COLQ: variants seen among roughly 807,000 people sequenced by gnomAD.
COLQ encodes acetylcholinesterase collagenic tail peptide.
COLQ carries 48 observed loss-of-function variants against 69.0 expected under a neutral mutation model. The observed-to-expected ratio is 0.70, with a 90% CI of 0.55 to 0.88. COLQ has a LOEUF of 0.88. Ranked by LOEUF, COLQ falls within the 40% of genes least tolerant of loss-of-function variation. COLQ has a pLI of 0.00. For missense variants in COLQ, 618 were observed against 594.6 expected (o/e 1.04, Z -0.41); for synonymous variants, 217 against 211.2 (o/e 1.03, Z -0.24).
chr3:15,457,921 G>T (rs2062048171), intron 13 of COLQ, among the ~76,000 whole-genome samples: 1 of 152,110 alleles, frequency 6.6e-6, no homozygotes. Context: ...CCGGCCAAAA[G>T]TACATTTTTA....
chr3:15,452,347 G>C (rs753783067), intron 16 of COLQ, among the ~76,000 whole-genome samples: 4 of 152,162 alleles, frequency 2.6e-5, no homozygotes, highest in Non-Finnish European at 5.9e-5. Context: ...AATTACAGGC[G>C]TGAGTCACAG....
Position 15,451,557 on chromosome 3 carries a change from G to T in COLQ, c.*87C>A. 2.4e-6 allele frequency: 3 copies of T among 1,230,518 alleles called. No individual in the cohort carries two copies. The highest frequency in any genetic ancestry group is 1.2e-5 in the South Asian group (1 of 83,506). The allele number at this position is 1,230,518 out of a possible 1,614,324, so 76.2% of individuals were successfully genotyped here. A position where few individuals can be genotyped will look rare whatever the true frequency, so the allele number is the denominator to read the frequency against. ...TTTTTGTCACACAAAGGTTGGTGGA[G>T]ACGGGGCCAGGACATGGCCAGTTTG... On this transcript the variant is annotated 3_prime_UTR_variant, in exon 17 of 17. Coordinates refer to ENST00000383788, the MANE Select transcript of COLQ (RefSeq NM_005677.4).
In COLQ at chr3:15,473,832, C is replaced by A. The variant is rs997497046; in HGVS notation, c.636+168G>T. Among the ~76,000 whole-genome samples the A allele has an allele frequency of 2.6e-5, 4 of 152,278 alleles. No homozygotes were observed. In the East Asian group the frequency reaches 5.8e-4, roughly 22 times the overall value. On this transcript the variant is annotated intron_variant, in intron 10 of 16. Coordinates refer to ENST00000383788, the MANE Select transcript of COLQ (RefSeq NM_005677.4). The surrounding 1 kb of genome is among the most constrained non-coding windows in gnomAD (Gnocchi z 4.0). The stretch of plus-strand genomic sequence containing the variant: ...GGGAGGCTCCAGACCATCCTGCCAC[C>A]CTCTCCCCAGGGTGAAAAGCAACTT...
chr3:15,474,949 G>T lies in COLQ; in HGVS notation c.531C>A (p.Gly177=), dbSNP rs1424279590. 22 of 1,614,108 alleles carry T rather than the reference G, an allele frequency of 1.4e-5. No individual in the cohort carries two copies. Among genetic ancestry groups the T allele is most frequent in the Non-Finnish European group, 1.8e-5 (21 of 1,179,972 alleles). The change falls in exon 8 of 17, where the codon GGC becomes GGA. Residue 177 remains glycine, a splice_region_variant and synonymous_variant. Coordinates refer to ENST00000383788, the MANE Select transcript of COLQ (RefSeq NM_005677.4). ...CCTTTTCCCCTCTGGATCCAGGGTA[G>T]CCCTAAAAGAAAGCAGAAGGTACAT... ...PGSRGPMGSK[G]YPGSRGEKGS... is the part of the protein sequence containing the mutation.
intron 1 of COLQ, chr3:15,498,792 C>T: frequency 6.7e-7 from 1 of 1,488,968 alleles, no homozygotes; most frequent in Non-Finnish European, 8.9e-7. Context: ...AATGGGTAGG[C>T]AGCCCTGCTC....
At position 15,521,656 on chromosome 3, in the gene COLQ, G is replaced by T. The variant is rs747085828; in HGVS notation, c.-31C>A. On this transcript the variant is annotated 5_prime_UTR_variant, in exon 1 of 17. Transcript: ENST00000383788. ...CCAGGGTCTGGCGAGGGTCAAGTTA[G>T]AAAGGAGGCTGCTGCGGAGCCTTGC... The T allele has an allele frequency of 1.9e-5, 31 of 1,613,728 alleles. No homozygotes were observed. Among genetic ancestry groups the T allele is most frequent in the Non-Finnish European group, 2.5e-5 (30 of 1,179,978 alleles).
Position 15,451,426 on chromosome 3 carries a change from G to GT in COLQ, c.*217dup. 1.5e-6 allele frequency: 1 copy of GT among 681,436 alleles called. No homozygotes were observed. Among genetic ancestry groups the GT allele is most frequent in the Non-Finnish European group, 2.7e-6 (1 of 369,374 alleles). 42.2% of individuals were successfully genotyped at this position (681,436 alleles called of 1,614,324 possible). On this transcript the variant is annotated 3_prime_UTR_variant, in exon 17 of 17. Coordinates refer to ENST00000383788, the MANE Select transcript of COLQ (RefSeq NM_005677.4). ...GGGGAACAGGTCTCAGGTTGGGCAT[G>GT]TGGAAGGTTTTCCAGTACCTTGGAT...
At chr3:15,466,473 A>G (rs2062202613) in intron 11 of COLQ, 36 bp from the exon 12 acceptor site, 24 of 1,561,198 alleles carry the variant, frequency 1.5e-5, no homozygotes, top group Non-Finnish European at 2.0e-5. Context: ...TTATGAAAGC[A>G]TGACATAGCA....
intron 11 of COLQ, among the ~76,000 whole-genome samples, chr3:15,466,760 C>T (rs1196710219): frequency 6.6e-6 from 1 of 152,212 alleles, no homozygotes; most frequent in Non-Finnish European, 1.5e-5. Context: ...CACTCATTGG[C>T]TTCCCGTTGC....
At chr3:15,462,373 C>T (rs186737985) in intron 12 of COLQ, among the ~76,000 whole-genome samples, 4 of 152,276 alleles carry the variant, frequency 2.6e-5, no homozygotes, top group Non-Finnish European at 5.9e-5. Flanking sequence ...CTCCCCACCC[C>T]TCCAATATTT....
Position 15,453,916 on chromosome 3 carries a change from T to C in COLQ, c.1211A>G (p.Tyr404Cys), listed in dbSNP as rs764064240. Residue 404 changes from tyrosine (Y) to cysteine (C), a missense_variant, in exon 16 of 17, where the codon TAC becomes TGC. By Grantham distance (194) the Tyr-to-Cys change is radical (BLOSUM62 -2). Coordinates refer to ENST00000383788, the MANE Select transcript of COLQ (RefSeq NM_005677.4). Reference protein sequence around the residue: ...GDDCIRCHRAYCGDGHRHEGV... With the variant: ...GDDCIRCHRACCGDGHRHEGV... ...CTCATGCCGGTGACCATCTCCACAG[T>C]AGGCACGGTGACAGCCTGAGGGGAC... 5 of 1,609,118 alleles carry C rather than the reference T, an allele frequency of 3.1e-6. No individual in the cohort carries two copies. The highest frequency in any genetic ancestry group is 3.4e-6 in the Non-Finnish European group (4 of 1,177,598).
intron 13 of COLQ, 106 bp downstream of exon 13, chr3:15,458,080 C>A: frequency 8.0e-7 from 1 of 1,257,582 alleles, no homozygotes; most frequent in South Asian, 1.2e-5. Flanking sequence ...TACTCAGAGT[C>A]GTGAAAAAAA....
rs771240170 is a variant in COLQ at position 15,473,989 on chromosome 3, A to G, written c.636+11T>C. ...ATTGAGGCCTATTTTCACTACCTCA[A>G]GGTTACTTACTTTCTGCCCCAACAT... is the stretch of plus-strand genomic sequence containing the variant. On this transcript the variant is annotated intron_variant, in intron 10 of 16. Transcript: ENST00000383788. This position sits in a 1 kb window ranked among gnomAD's most constrained non-coding sequence, Gnocchi z 4.0. 1 of 1,613,990 alleles carries G rather than the reference A, an allele frequency of 6.2e-7. No individual in the cohort carries two copies. Among genetic ancestry groups the G allele is most frequent in the Non-Finnish European group, 8.5e-7 (1 of 1,179,978 alleles).
chr3:15,514,404 C>T (rs1016628245), intron 1 of COLQ, among the ~76,000 whole-genome samples: 35 of 152,080 alleles, frequency 2.3e-4, no homozygotes, highest in African/African-American at 8.5e-4. Flanking sequence ...AAAAAGCCCT[C>T]CAGGTGATTT....
At chr3:15,470,457 G>A (rs1369149723) in intron 11 of COLQ, 79 bp downstream of exon 11, 26 of 1,302,550 alleles carry the variant, frequency 2.0e-5, no homozygotes, top group African/African-American at 4.4e-5. Context: ...TCTGATTAAC[G>A]CCACCTGCCT....
intron 14 of COLQ, 51 bp downstream of exon 14, chr3:15,456,409 C>A: frequency 6.2e-7 from 1 of 1,609,514 alleles, no homozygotes; most frequent in Non-Finnish European, 8.5e-7. Context: ...TTAATGGATG[C>A]ATCTCTCTCC....
At chr3:15,457,510 A>G (rs762957044) in intron 13 of COLQ, among the ~76,000 whole-genome samples, 3 of 152,196 alleles carry the variant, frequency 2.0e-5, no homozygotes, top group Non-Finnish European at 2.9e-5. Context: ...GGTTCATTAC[A>G]CTATTTGTTC....
intron 1 of COLQ, among the ~76,000 whole-genome samples, chr3:15,513,591 G>A (rs1290609883): frequency 2.0e-5 from 3 of 152,156 alleles, no homozygotes; most frequent in Non-Finnish European, 4.4e-5. Flanking sequence ...ACTCCATACT[G>A]ATTGCCTTCT....
At chr3:15,479,091 T>A in intron 4 of COLQ, 88 bp from the exon 5 acceptor site, 1 of 1,519,868 alleles carries the variant, frequency 6.6e-7, no homozygotes, top group Non-Finnish European at 9.1e-7. Context: ...TGACTGGGCA[T>A]GGCCATGTGG....
Sources: allele counts gnomAD v4.1 joint callset (sites outside exome capture counted in the v4.1 genomes callset), GRCh38; gene constraint gnomAD v4.1.1; non-coding constraint Gnocchi (gnomAD v3.1); transcripts MANE v1.5; gene names NCBI Gene and HGNC (gene_info 2026-07-23, HGNC 2026-07-21).